The following ZNF449 variants were observed in gnomAD, a reference collection of about 807,000 sequenced individuals.
ZNF449 encodes zinc finger protein 449, also known as zinc finger and SCAN domain-containing protein 19.
A neutral mutation model predicts 32.6 loss-of-function variants in ZNF449; 4 were observed. The observed-to-expected ratio is 0.12, with a 90% confidence interval of 0.06 to 0.28. ZNF449 has a LOEUF of 0.28. ZNF449 is among the 10% of genes least tolerant of loss of function. The pLI is 1.00. For synonymous variants in ZNF449, 123 were observed against 132.2 expected (o/e 0.93, Z 0.48); for missense variants, 275 against 383.2 (o/e 0.72, Z 2.36).
intron 3 of ZNF449, among the ~76,000 whole-genome samples, chrX:135,358,079 G>C (rs1416053313): frequency 9.1e-6 from 1 of 110,424 alleles, no homozygotes; most frequent in East Asian, 2.8e-4. Flanking sequence ...TTTTCATTAA[G>C]TAAATATTTC....
rs142049499 is a variant in ZNF449, at chrX:135,347,214, C to T, written c.96C>T (p.Arg32=). 2.5e-6 allele frequency: 3 copies of T among 1,210,974 alleles called. No homozygotes were observed. In the African/African-American group the frequency reaches 5.2e-5, roughly 21 times the overall value. Residue 32 remains arginine (R), a synonymous_variant, in exon 2 of 5, where the codon CGC becomes CGT. Transcript: ENST00000339249. ...CTGACTGTGAAGTTTTCCGTCAGCGCTTCAGGCAGTTCCAGTACAGAGAAG... is the reference window on the plus strand; with the variant it reads ...CTGACTGTGAAGTTTTCCGTCAGCGTTTCAGGCAGTTCCAGTACAGAGAAG... ...YDTDCEVFRQ[R]FRQFQYREAA... is the part of the protein sequence containing the mutation.
At chrX:135,349,546 T>A (rs1556449729) in intron 3 of ZNF449, among the ~76,000 whole-genome samples, 1 of 111,714 alleles carries the variant, frequency 9.0e-6, no homozygotes, top group African/African-American at 3.3e-5. Context: ...TGATCAAGAA[T>A]GTTACACAGG....
chrX:135,361,301 C>T lies in ZNF449; in HGVS notation c.*225C>T, dbSNP rs1193337318. 1.7e-5 allele frequency: 5 copies of T among 291,898 alleles called. No individual in the cohort carries two copies. Among genetic ancestry groups the T allele is most frequent in the Non-Finnish European group, 3.0e-5 (5 of 169,196 alleles). The allele number at this position is 291,898 out of a possible 1,213,427, so 24.1% of individuals were successfully genotyped here. ...TTTGATTTCTTCTGTCTGCACAACTCTTCTTTTTTTAATTACAATGAAAAA... is the reference window on the plus strand; with the variant it reads ...TTTGATTTCTTCTGTCTGCACAACTTTTCTTTTTTTAATTACAATGAAAAA... On this transcript the variant is annotated 3_prime_UTR_variant, in exon 5 of 5. Transcript: ENST00000339249.
At chrX:135,345,368 C>T in intron 1 of ZNF449, among the ~76,000 whole-genome samples, 1 of 111,653 alleles carries the variant, frequency 9.0e-6, no homozygotes, top group East Asian at 2.8e-4. Context: ...TTGGGTCAGT[C>T]AGGGAAGGGC....
chrX:135,363,266 G>A lies in ZNF449; in HGVS notation c.*2190G>A, dbSNP rs1336763532. ...CCAAGTTGGAATCGCTTTTCTCTCTGCAACCATGGCACTGTGATTATGCAT... is the reference window on the plus strand; with the variant it reads ...CCAAGTTGGAATCGCTTTTCTCTCTACAACCATGGCACTGTGATTATGCAT... On this transcript the variant is annotated 3_prime_UTR_variant, in exon 5 of 5. Coordinates refer to ENST00000339249, the MANE Select transcript of ZNF449 (RefSeq NM_152695.6). 1 of 112,072 alleles carries A rather than the reference G, an allele frequency of 8.9e-6. No homozygotes were observed. Among genetic ancestry groups the A allele is most frequent in the Middle Eastern group, 4.2e-3 (1 of 238 alleles). The allele number at this position is 112,072 out of a possible 1,213,427, so 9.2% of individuals were successfully genotyped here. A position where few individuals can be genotyped will look rare whatever the true frequency, so the allele number is the denominator to read the frequency against.
At chrX:135,346,236 A>G (rs2084846922) in intron 1 of ZNF449, among the ~76,000 whole-genome samples, 1 of 111,755 alleles carries the variant, frequency 8.9e-6, no homozygotes, top group Non-Finnish European at 1.9e-5. Context: ...TGGCCTCCCT[A>G]TTGCAGTGTA....
intron 1 of ZNF449, among the ~76,000 whole-genome samples, chrX:135,346,720 A>T (rs1556448418): frequency 8.9e-6 from 1 of 112,052 alleles, no homozygotes; most frequent in Non-Finnish European, 1.9e-5. Flanking sequence ...GACTAAACTT[A>T]AAGTGTCACA....
At chrX:135,347,650 A>G in intron 2 of ZNF449, 178 bp downstream of exon 2, 1 of 1,121,515 alleles carries the variant, frequency 8.9e-7, no homozygotes, top group East Asian at 3.3e-5. Context: ...ACTCTATCAG[A>G]CTCAATTCCC....
intron 1 of ZNF449, among the ~76,000 whole-genome samples, chrX:135,346,156 AG>A (rs2084846290): frequency 8.9e-6 from 1 of 112,314 alleles, no homozygotes; most frequent in Non-Finnish European, 1.9e-5. Flanking sequence ...TAGAATGCTT[AG>A]AACAGTACCT....
chrX:135,351,483 A>G (rs781795467), intron 3 of ZNF449, among the ~76,000 whole-genome samples: 3 of 110,177 alleles, frequency 2.7e-5, no homozygotes, highest in Non-Finnish European at 5.7e-5. Context: ...AGTTGAGTTT[A>G]GATTTGAACA....
intron 3 of ZNF449, among the ~76,000 whole-genome samples, chrX:135,356,187 G>A (rs182098468): frequency 8.9e-6 from 1 of 111,757 alleles, no homozygotes. Context: ...ATACCTAGGA[G>A]CACAATTGCT....
Position 135,360,875 on chromosome X carries a change from G to A in ZNF449, c.1356G>A (p.Leu452=), listed in dbSNP as rs782220629. ...KSFSRLTALT[L]HQRTHTEERP... ...TTAGTCGACTGACAGCTCTTACTTTGCACCAGAGAACGCATACTGAAGAGA... is the reference window on the plus strand; with the variant it reads ...TTAGTCGACTGACAGCTCTTACTTTACACCAGAGAACGCATACTGAAGAGA... Residue 452 remains leucine, a synonymous_variant, in exon 5 of 5, where the codon TTG becomes TTA. Coordinates refer to ENST00000339249, the MANE Select transcript of ZNF449 (RefSeq NM_152695.6). 2 of 1,210,672 alleles carry A rather than the reference G, an allele frequency of 1.7e-6. No homozygotes were observed. The highest frequency in any genetic ancestry group is 1.8e-5 in the South Asian group (1 of 56,752).
chrX:135,356,441 T>A (rs904352452), intron 3 of ZNF449, among the ~76,000 whole-genome samples: 23 of 111,980 alleles, frequency 2.1e-4, no homozygotes, highest in African/African-American at 7.4e-4. Flanking sequence ...TGAACATGCT[T>A]TCATGTGCTT....
At chrX:135,354,679 A>G (rs1225829386) in intron 3 of ZNF449, among the ~76,000 whole-genome samples, 2 of 111,823 alleles carry the variant, frequency 1.8e-5, no homozygotes, top group African/African-American at 6.5e-5. Flanking sequence ...CACCAGGAGT[A>G]TGATGCTGGG....
rs782341717 is a variant in ZNF449 at position 135,349,192 on chromosome X, C to T, written c.437C>T (p.Pro146Leu). 5.0e-6 allele frequency: 6 copies of T among 1,211,215 alleles called. No individual in the cohort carries two copies. Among genetic ancestry groups the T allele is most frequent in the Non-Finnish European group, 6.7e-6 (6 of 895,105 alleles). ...CCACCAACCATGCACCTAGAGTCAC[C>T]TGCACTCCAGGTAATGGGACCTGCC... ...HIPPTMHLES[P>L]ALQVMGPAQE... The change falls in exon 3 of 5, where the codon CCT becomes CTT. Residue 146 changes from proline (P) to leucine (L), a missense_variant. This residue lies in a region of ZNF449 where 165 missense variants were observed against 175.0 expected (regional missense o/e 0.94). Transcript: ENST00000339249.
chrX:135,352,518 G>A (rs1352268032), intron 3 of ZNF449, among the ~76,000 whole-genome samples: 1 of 111,795 alleles, frequency 8.9e-6, no homozygotes, highest in Non-Finnish European at 1.9e-5. Flanking sequence ...TTCAAAATTC[G>A]TACACCAAAA....
At position 135,347,800 on chromosome X, in the gene ZNF449, G is replaced by GT. The variant is rs201871521; in HGVS notation, c.354+331dup. 1,227 of 543,502 alleles carry GT rather than the reference G, an allele frequency of 2.3e-3. 12 individuals carry two copies. In the African/African-American group the frequency reaches 0.026, roughly 11 times the overall value. 44.8% of individuals were successfully genotyped at this position (543,502 alleles called of 1,213,427 possible). A position where few individuals can be genotyped will look rare whatever the true frequency, so the allele number is the denominator to read the frequency against. ...TGAAGGCCAATTCTAGCCATACCCT[G>GT]TTTATCTGTATACTCTGTATGTAAT... On this transcript the variant is annotated intron_variant, in intron 2 of 4. Coordinates refer to ENST00000339249, the MANE Select transcript of ZNF449 (RefSeq NM_152695.6).
At chrX:135,357,922 C>T (rs1355452741) in intron 3 of ZNF449, among the ~76,000 whole-genome samples, 2 of 110,896 alleles carry the variant, frequency 1.8e-5, no homozygotes, top group East Asian at 5.6e-4. Context: ...TCCAGTCAGA[C>T]CTTCTCTGCT....
Position 135,349,190 on chromosome X carries a change from A to G in ZNF449, c.435A>G (p.Ser145=), listed in dbSNP as rs2084869092. Residue 145 remains serine (S), a synonymous_variant, in exon 3 of 5, where the codon TCA becomes TCG. Coordinates refer to ENST00000339249, the MANE Select transcript of ZNF449 (RefSeq NM_152695.6). ...AHIPPTMHLE[S]PALQVMGPAQ... is the part of the protein sequence containing the mutation. ...TACCACCAACCATGCACCTAGAGTCACCTGCACTCCAGGTAATGGGACCTG... is the reference window on the plus strand; with the variant it reads ...TACCACCAACCATGCACCTAGAGTCGCCTGCACTCCAGGTAATGGGACCTG... The G allele has an allele frequency of 8.3e-7, 1 of 1,211,219 alleles. No homozygotes were observed. The highest frequency in any genetic ancestry group is 1.7e-5 in the African/African-American group (1 of 57,680).
Sources: allele counts gnomAD v4.1 joint callset (sites outside exome capture counted in the v4.1 genomes callset), GRCh38; gene constraint gnomAD v4.1.1; regional missense constraint gnomAD v4.1.1; transcripts MANE v1.5; gene names NCBI Gene and HGNC (gene_info 2026-07-23, HGNC 2026-07-21).